KSR2: variants seen among roughly 807,000 people sequenced by gnomAD.
KSR2 encodes kinase suppressor of ras 2.
KSR2 carries 25 observed loss-of-function variants against 107.8 expected under a neutral mutation model. That is an observed-to-expected ratio of 0.23 (90% CI 0.17 to 0.32). The LOEUF (loss-of-function observed/expected upper bound fraction) is 0.32, where lower values mean the gene tolerates loss of function less well. Ranked by LOEUF, KSR2 falls within the 10% of genes least tolerant of loss-of-function variation. KSR2 has a pLI of 1.00. For synonymous variants in KSR2, 480 were observed against 507.0 expected (o/e 0.95, Z 0.71); for missense variants, 887 against 1,268.9 (o/e 0.70, Z 4.57).
At chr12:117,889,282 G>A (rs1310927298) in intron 1 of KSR2, among the ~76,000 whole-genome samples, 2 of 152,154 alleles carry the variant, frequency 1.3e-5, no homozygotes, top group Non-Finnish European at 2.9e-5. Context: ...TTATTAGCAG[G>A]GCGAGCAGCC....
At chr12:117,527,050 T>G (rs1181653090) in intron 13 of KSR2, 21 bp downstream of exon 13, 2 of 1,611,632 alleles carry the variant, frequency 1.2e-6, no homozygotes, top group African/African-American at 1.3e-5. Flanking sequence ...AAATGTCGCT[T>G]CACTGCTCTC....
At chr12:117,503,417 G>A (rs762242806) in intron 14 of KSR2, among the ~76,000 whole-genome samples, 2 of 152,182 alleles carry the variant, frequency 1.3e-5, no homozygotes, top group Non-Finnish European at 2.9e-5. Context: ...CCAGTGAAAA[G>A]TAGGATGTTT....
At chr12:117,830,510 G>T (rs141395320) in intron 3 of KSR2, among the ~76,000 whole-genome samples, 32 of 151,876 alleles carry the variant, frequency 2.1e-4, no homozygotes, top group African/African-American at 5.3e-4. Context: ...AATAAAAGTT[G>T]AAATTATTAA....
intron 1 of KSR2, among the ~76,000 whole-genome samples, chr12:117,877,309 C>T (rs560179460): frequency 6.6e-6 from 1 of 152,170 alleles, no homozygotes; most frequent in East Asian, 1.9e-4. Context: ...TGCACTCCAG[C>T]CTGGGTGACA....
intron 3 of KSR2, among the ~76,000 whole-genome samples, chr12:117,788,900 G>C (rs1340009940): frequency 6.6e-6 from 1 of 152,166 alleles, no homozygotes; most frequent in African/African-American, 2.4e-5. Flanking sequence ...CCATTAAAAA[G>C]GAAGCTCTAG....
chr12:117,724,004 G>A (rs1887313434), intron 4 of KSR2, among the ~76,000 whole-genome samples: 1 of 151,976 alleles, frequency 6.6e-6, no homozygotes, highest in Non-Finnish European at 1.5e-5. Flanking sequence ...TTTAAAGATA[G>A]GGTTAAATAT....
intron 4 of KSR2, among the ~76,000 whole-genome samples, chr12:117,701,087 G>A (rs1190795307): frequency 6.6e-6 from 1 of 151,248 alleles, no homozygotes. Flanking sequence ...TTGTTTGTTT[G>A]TTTATTTATT....
At chr12:117,671,353 TAGAC>T (rs750581971) in intron 4 of KSR2, among the ~76,000 whole-genome samples, 2 of 152,170 alleles carry the variant, frequency 1.3e-5, no homozygotes, top group South Asian at 2.1e-4. Context: ...GATAGATAGA[TAGAC>T]AGACAGACGG....
intron 4 of KSR2, among the ~76,000 whole-genome samples, chr12:117,671,366 G>A (rs997305638): frequency 3.3e-5 from 5 of 152,090 alleles, no homozygotes; most frequent in African/African-American, 9.7e-5. Flanking sequence ...ACAGACAGAC[G>A]GCAGAGAGAC....
At chr12:117,619,932 C>T (rs1447850373) in intron 5 of KSR2, among the ~76,000 whole-genome samples, 1 of 152,034 alleles carries the variant, frequency 6.6e-6, no homozygotes, top group Non-Finnish European at 1.5e-5. Flanking sequence ...ACACTTTGCA[C>T]AAAAGTTACT....
intron 9 of KSR2, 139 bp from the exon 10 acceptor site, chr12:117,540,026 C>T (rs1042767590): frequency 1.4e-5 from 9 of 663,094 alleles, no homozygotes; most frequent in African/African-American, 5.7e-5. Flanking sequence ...CAGATCCTTC[C>T]GAAGTCCCTC....
chr12:117,921,424 CT>C (rs142150187), intron 1 of KSR2, among the ~76,000 whole-genome samples: 8 of 151,896 alleles, frequency 5.3e-5, no homozygotes, highest in Non-Finnish European at 7.4e-5. Flanking sequence ...TTTCAAGACA[CT>C]TTTTTTTCCC....
intron 2 of KSR2, among the ~76,000 whole-genome samples, chr12:117,855,779 C>A (rs905665541): frequency 6.6e-6 from 1 of 152,152 alleles, no homozygotes; most frequent in Non-Finnish European, 1.5e-5. Flanking sequence ...CCTCACTTTG[C>A]TCATCTGTAA....
intron 5 of KSR2, among the ~76,000 whole-genome samples, chr12:117,621,630 A>G (rs1882201929): frequency 6.6e-6 from 1 of 152,116 alleles, no homozygotes; most frequent in South Asian, 2.1e-4. Context: ...ATCAACACAG[A>G]CCTCCTCTTG....
Position 117,968,890 on chromosome 12 carries a change from GCGCTGCTGCTGC to G in KSR2, c.-647_-636del. 8.0e-6 allele frequency: 2 copies of G among 250,058 alleles called. No homozygotes were observed. The highest frequency in any genetic ancestry group is 3.8e-5 in the South Asian group (1 of 26,552). 15.5% of individuals were successfully genotyped at this position (250,058 alleles called of 1,614,324 possible). On this transcript the variant is annotated 5_prime_UTR_variant, in exon 1 of 20. Coordinates refer to ENST00000339824, the MANE Select transcript of KSR2 (RefSeq NM_173598.6). ...TGCGGCTGGCTGCTGTCTCCTCCCC[GCGCTGCTGCTGC>G]TGCTGCTGCTGCCGCCGCCGGGCTC...
chr12:117,821,214 T>C (rs924397361), intron 3 of KSR2, among the ~76,000 whole-genome samples: 1 of 152,218 alleles, frequency 6.6e-6, no homozygotes, highest in Non-Finnish European at 1.5e-5. Context: ...GTCTGAATTA[T>C]TTTTAATAGA....
At chr12:117,863,132 T>C (rs1893366651) in intron 1 of KSR2, among the ~76,000 whole-genome samples, 1 of 152,160 alleles carries the variant, frequency 6.6e-6, no homozygotes, top group Non-Finnish European at 1.5e-5. Context: ...GTTCCCATTG[T>C]ATCACCCCAT....
At chr12:117,496,962 T>C (rs977890246) in intron 14 of KSR2, among the ~76,000 whole-genome samples, 10 of 151,730 alleles carry the variant, frequency 6.6e-5, no homozygotes, top group Admixed American at 2.0e-4. Context: ...GCGATTCTCC[T>C]GCCTCAGCCT....
chr12:117,551,584 T>C (rs901536981), intron 9 of KSR2, among the ~76,000 whole-genome samples: 2 of 152,062 alleles, frequency 1.3e-5, no homozygotes, highest in Non-Finnish European at 2.9e-5. Flanking sequence ...ACCACTGTGC[T>C]GGGTGAAAAA....
Sources: allele counts gnomAD v4.1 joint callset (sites outside exome capture counted in the v4.1 genomes callset), GRCh38; gene constraint gnomAD v4.1.1; transcripts MANE v1.5; gene names NCBI Gene and HGNC (gene_info 2026-07-23, HGNC 2026-07-21).